Variants in CDK14 observed in about 807,000 individuals in gnomAD.
The protein encoded by CDK14 is cyclin-dependent kinase 14.
Under a neutral mutation model 60.7 loss-of-function variants are expected in CDK14, and 34 were observed. That is an observed-to-expected ratio of 0.56 (90% CI 0.43 to 0.75). The LOEUF (loss-of-function observed/expected upper bound fraction) is 0.75. CDK14 is among the 30% of genes least tolerant of loss of function. The pLI is 0.00. For missense variants in CDK14, 482 were observed against 564.1 expected, an observed-to-expected ratio of 0.85 and a Z score of 1.47; for synonymous variants, 197 against 203.7, an observed-to-expected ratio of 0.97 and a Z score of 0.28.
chr7:91,143,589 T>C (rs1407098916), intron 14 of CDK14, among the ~76,000 whole-genome samples: 1 of 152,064 alleles, frequency 6.6e-6, no homozygotes, highest in Non-Finnish European at 1.5e-5. Context: ...GGCGTGGTAG[T>C]GCTCACCTGT....
chr7:90,709,126 G>A (rs1355312137), intron 2 of CDK14: 2 of 165,928 alleles, frequency 1.2e-5, no homozygotes, highest in Admixed American at 1.3e-4. Flanking sequence ...TTTTACTTTG[G>A]TTCTGTGTAT....
At chr7:91,127,835 G>A (rs897069978) in intron 14 of CDK14, among the ~76,000 whole-genome samples, 1 of 152,058 alleles carries the variant, frequency 6.6e-6, no homozygotes, top group African/African-American at 2.4e-5. Context: ...TTTATAAAAA[G>A]AGAACACAGT....
intron 10 of CDK14, among the ~76,000 whole-genome samples, chr7:91,023,936 C>G (rs1248671572): frequency 6.6e-6 from 1 of 152,020 alleles, no homozygotes; most frequent in African/African-American, 2.4e-5. Flanking sequence ...ACATGTCTGG[C>G]AAATTTTTGT....
rs1383741537 is a variant in CDK14, at chr7:90,726,717, AG to A, written c.277del (p.Val93CysfsTer49). 1 of 1,613,906 alleles carries A rather than the reference AG, an allele frequency of 6.2e-7. No homozygotes were observed. The highest frequency in any genetic ancestry group is 1.3e-5 in the African/African-American group (1 of 75,038). On this transcript the variant is annotated frameshift_variant, in exon 3 of 15. Coordinates refer to ENST00000380050, the MANE Select transcript of CDK14 (RefSeq NM_001287135.2). LOFTEE classifies it high-confidence loss of function. ...TGAGAAACCAGCTAATCAAGTAAAG[AG>A]GGTGCATTCTGAGAACAATGCTTGC... ...PFEKPANQVK[R>X]VHSENNACIN...
At chr7:90,900,469 T>C (rs1792471585) in intron 7 of CDK14, among the ~76,000 whole-genome samples, 1 of 152,216 alleles carries the variant, frequency 6.6e-6, no homozygotes, top group Admixed American at 6.5e-5. Context: ...ATTAATCTTG[T>C]CTATGTTCAA....
intron 10 of CDK14, among the ~76,000 whole-genome samples, chr7:91,035,611 C>G (rs1263382746): frequency 7.3e-6 from 1 of 137,496 alleles, no homozygotes; most frequent in African/African-American, 2.7e-5. Context: ...CACAGAGGAC[C>G]GTTTATTTTT....
intron 10 of CDK14, among the ~76,000 whole-genome samples, chr7:91,030,530 T>C (rs1284822208): frequency 6.6e-6 from 1 of 151,952 alleles, no homozygotes; most frequent in African/African-American, 2.4e-5. Context: ...CTCCACCTCT[T>C]CCAAGAGCCC....
At chr7:90,921,868 G>A (rs565151550) in intron 8 of CDK14, among the ~76,000 whole-genome samples, 7 of 152,246 alleles carry the variant, frequency 4.6e-5, no homozygotes, top group Middle Eastern at 3.4e-3. Context: ...GCTGGTCCTT[G>A]TCTAAATTTG....
chr7:91,133,575 T>C (rs972102097), intron 14 of CDK14, among the ~76,000 whole-genome samples: 1 of 152,126 alleles, frequency 6.6e-6, no homozygotes, highest in East Asian at 1.9e-4. Context: ...GAGAAATACA[T>C]GGGATAAAGT....
chr7:90,773,035 A>G (rs938848069), intron 4 of CDK14, among the ~76,000 whole-genome samples: 1 of 152,194 alleles, frequency 6.6e-6, no homozygotes, highest in African/African-American at 2.4e-5. Flanking sequence ...TATAATTAGG[A>G]TAGGACTTAT....
rs141241898 is a variant in CDK14, at chr7:90,902,910, G to A, written c.702+3557G>A. Among the ~76,000 whole-genome samples, 624 of 151,944 alleles carry A rather than the reference G, an allele frequency of 4.1e-3. 6 individuals carry two copies. Among genetic ancestry groups the A allele is most frequent in the African/African-American group, 0.014 (568 of 41,476 alleles). On this transcript the variant is annotated intron_variant, in intron 7 of 14. Coordinates refer to ENST00000380050, the MANE Select transcript of CDK14 (RefSeq NM_001287135.2). Reference sequence around the variant, plus strand: ...ACTTAACAGCAAAAGAAACAAACTCGTTAAAAAGTAGACAAAGGACCTGAA... The same window carrying A: ...ACTTAACAGCAAAAGAAACAAACTCATTAAAAAGTAGACAAAGGACCTGAA...
intron 9 of CDK14, among the ~76,000 whole-genome samples, chr7:90,971,955 A>G (rs1265561480): frequency 7.9e-5 from 12 of 152,146 alleles, no homozygotes; most frequent in Admixed American, 2.0e-4. Context: ...GCAGCAGGCC[A>G]CCCTGGGCCT....
At chr7:90,879,048 T>A (rs1439630731) in intron 6 of CDK14, among the ~76,000 whole-genome samples, 2 of 152,248 alleles carry the variant, frequency 1.3e-5, no homozygotes, top group Non-Finnish European at 2.9e-5. Flanking sequence ...AAGTTAGGCA[T>A]GGCCAGGTGA....
intron 2 of CDK14, among the ~76,000 whole-genome samples, chr7:90,664,992 A>T (rs1584779103): frequency 6.6e-6 from 1 of 152,012 alleles, no homozygotes; most frequent in African/African-American, 2.4e-5. Context: ...TTTAAAAAGC[A>T]CTCATTCGGC....
intron 4 of CDK14, among the ~76,000 whole-genome samples, chr7:90,762,233 G>A (rs2116863344): frequency 6.6e-6 from 1 of 152,300 alleles, no homozygotes; most frequent in East Asian, 1.9e-4. Context: ...AGAGCTTGGT[G>A]TGTTTTATAC....
At position 90,603,619 on chromosome 7, in the gene CDK14, G is replaced by A. The variant is rs11563833; in HGVS notation, c.92-599G>A. Among the ~76,000 whole-genome samples, 1,382 of 152,132 alleles carry A rather than the reference G, an allele frequency of 9.1e-3. 21 individuals are homozygous for A. The highest frequency in any genetic ancestry group is 0.03 in the African/African-American group (1,256 of 41,512). On this transcript the variant is annotated intron_variant, in intron 1 of 14. Transcript: ENST00000380050. ...TAAGTGACACATGTCTGGATTTAAA[G>A]TAAATTTGAAGTATTTTCTGGTTCC...
intron 14 of CDK14, among the ~76,000 whole-genome samples, chr7:91,124,289 G>A (rs577523633): frequency 2.0e-5 from 3 of 152,160 alleles, no homozygotes; most frequent in Admixed American, 1.3e-4. Flanking sequence ...TCCCCAAAGT[G>A]TTAACATTTT....
chr7:90,901,437 A>T (rs1363840842), intron 7 of CDK14, among the ~76,000 whole-genome samples: 1 of 152,162 alleles, frequency 6.6e-6, no homozygotes, highest in African/African-American at 2.4e-5. Context: ...TTTCTAAAAA[A>T]AATGTGATGT....
intron 14 of CDK14, among the ~76,000 whole-genome samples, chr7:91,167,355 C>T (rs1227904073): frequency 3.9e-5 from 6 of 152,182 alleles, no homozygotes; most frequent in African/African-American, 1.4e-4. Context: ...TTTCTGCACT[C>T]ACAGTAGCAA....
Sources: allele counts gnomAD v4.1 joint callset (sites outside exome capture counted in the v4.1 genomes callset), GRCh38; gene constraint gnomAD v4.1.1; transcripts MANE v1.5; gene names NCBI Gene and HGNC (gene_info 2026-07-23, HGNC 2026-07-21).